The following TTC39C variants were observed in gnomAD, a reference collection of about 807,000 sequenced individuals.
TTC39C encodes the protein tetratricopeptide repeat protein 39C.
A neutral mutation model predicts 76.3 loss-of-function variants in TTC39C; 33 were observed. The ratio of observed to expected loss-of-function variants is 0.43; its 90% CI spans 0.33 to 0.58. TTC39C has a LOEUF of 0.58. Among genes scored for constraint, TTC39C ranks in the 20% least tolerant of loss-of-function variants. The pLI is 0.04. For synonymous variants in TTC39C, 254 were observed against 260.6 expected (o/e 0.97, Z 0.24); for missense variants, 595 against 701.4 (o/e 0.85, Z 1.71).
At chr18:24,054,538 A>AC (rs1164383903) in intron 1 of TTC39C, among the ~76,000 whole-genome samples, 1 of 151,360 alleles carries the variant, frequency 6.6e-6, no homozygotes, top group Non-Finnish European at 1.5e-5. Context: ...ACTGAAGAAG[A>AC]CCCCCTTGAT....
chr18:24,001,293 T>C lies in TTC39C; in HGVS notation c.-17+8255T>C, dbSNP rs187318728. Reference sequence around the variant, plus strand: ...AGGCCCCAGGTCAACCTGGCTTGGGTTCAGATAGAAACTGCTGACCTCAGG... The same window carrying C: ...AGGCCCCAGGTCAACCTGGCTTGGGCTCAGATAGAAACTGCTGACCTCAGG... On this transcript the variant is annotated intron_variant, in intron 1 of 13. Coordinates refer to the TTC39C transcript ENST00000304621. Among the ~76,000 whole-genome samples the C allele has an allele frequency of 2.8e-3, 432 of 152,268 alleles. 3 individuals carry two copies. Among genetic ancestry groups the C allele is most frequent in the African/African-American group, 0.01 (419 of 41,550 alleles).
chr18:23,993,466 C>T (rs1369997890), intron 1 of TTC39C, among the ~76,000 whole-genome samples: 17 of 152,160 alleles, frequency 1.1e-4, no homozygotes, highest in Non-Finnish European at 1.5e-5. Context: ...ATGAAGTACA[C>T]GGACCCCTTT....
intron 1 of TTC39C, among the ~76,000 whole-genome samples, chr18:24,060,094 A>C (rs2084075013): frequency 6.6e-6 from 1 of 152,192 alleles, no homozygotes; most frequent in Non-Finnish European, 1.5e-5. Context: ...GTGGGGACAC[A>C]GCCAAACCAT....
chr18:24,071,322 A>T (rs545140733), intron 4 of TTC39C, among the ~76,000 whole-genome samples: 3 of 152,342 alleles, frequency 2.0e-5, no homozygotes, highest in South Asian at 2.1e-4. Context: ...CTAAGCACTT[A>T]GTTAGATAAG....
At chr18:24,084,680 G>A (rs551327395) in intron 6 of TTC39C, among the ~76,000 whole-genome samples, 11 of 151,474 alleles carry the variant, frequency 7.3e-5, no homozygotes, top group African/African-American at 2.7e-4. Context: ...TTTTTGAGAC[G>A]GGTCTCACCC....
chr18:24,061,993 G>A (rs1324279519), intron 1 of TTC39C, among the ~76,000 whole-genome samples: 1 of 152,192 alleles, frequency 6.6e-6, no homozygotes, highest in East Asian at 1.9e-4. Context: ...ACGATCGCCC[G>A]TCCTGCAGTG....
chr18:24,093,798 C>A (rs534977316), intron 6 of TTC39C, among the ~76,000 whole-genome samples: 1 of 152,172 alleles, frequency 6.6e-6, no homozygotes, highest in African/African-American at 2.4e-5. Flanking sequence ...AACTTTATTG[C>A]TAAAACTATC....
intron 6 of TTC39C, among the ~76,000 whole-genome samples, chr18:24,093,784 A>T (rs145366336): frequency 4.6e-4 from 70 of 152,344 alleles, no homozygotes; most frequent in Non-Finnish European, 4.3e-4. Context: ...TACCTTAATT[A>T]AAAAACTTTA....
In TTC39C at chr18:24,104,024, T is replaced by C. The variant is rs542815761; in HGVS notation, c.985-10530T>C. On this transcript the variant is annotated intron_variant, in intron 6 of 13. Coordinates refer to ENST00000317571, the MANE Select transcript of TTC39C (RefSeq NM_001135993.2). ...TCGGCTCATTGCAACCTCCACCTTC[T>C]GGGTTCAAGCAATTCTCCTACCTCA... is the stretch of plus-strand genomic sequence containing the variant. Among the ~76,000 whole-genome samples the C allele has an allele frequency of 8.2e-4, 125 of 151,930 alleles. 2 individuals carry two copies. Among genetic ancestry groups the C allele is most frequent in the Non-Finnish European group, 1.5e-3 (100 of 67,976 alleles).
At chr18:23,994,754 C>G (rs942638329) in intron 1 of TTC39C, among the ~76,000 whole-genome samples, 28 of 152,202 alleles carry the variant, frequency 1.8e-4, no homozygotes, top group African/African-American at 6.5e-4. Context: ...GCAGCAGCAG[C>G]AGCATCTATG....
chr18:24,016,353 C>T (rs766389602), intron 1 of TTC39C, among the ~76,000 whole-genome samples: 3 of 152,130 alleles, frequency 2.0e-5, no homozygotes, highest in Non-Finnish European at 4.4e-5. Flanking sequence ...CACAATTTCT[C>T]TTTTGTAGTT....
intron 1 of TTC39C, among the ~76,000 whole-genome samples, chr18:24,005,102 G>A (rs976848470): frequency 6.6e-6 from 1 of 152,140 alleles, no homozygotes; most frequent in Admixed American, 6.5e-5. Flanking sequence ...TTTCCAGAAG[G>A]TACTAGATTT....
chr18:24,030,152 A>G lies in TTC39C; in HGVS notation c.167+15114A>G, dbSNP rs375194618. On this transcript the variant is annotated intron_variant, in intron 1 of 13. Coordinates refer to ENST00000317571, the MANE Select transcript of TTC39C (RefSeq NM_001135993.2). ...AGTTCTTGTTGAAGGATGGGTTAGA[A>G]AGTCTTTTTAGTTGAGAAATGTGGT... Among the ~76,000 whole-genome samples the G allele has an allele frequency of 2.6e-5, 4 of 152,154 alleles. No homozygotes were observed. The East Asian group carries it at 5.8e-4, about 22-fold the overall frequency.
At chr18:24,117,190 C>T (rs2084904237) in intron 7 of TTC39C, among the ~76,000 whole-genome samples, 1 of 152,086 alleles carries the variant, frequency 6.6e-6, no homozygotes, top group African/African-American at 2.4e-5. Flanking sequence ...GTGCTTACCA[C>T]AGCATTGGCA....
rs1355125093 is a variant in TTC39C at position 24,134,257 on chromosome 18, G to C, written c.*1683G>C. On this transcript the variant is annotated 3_prime_UTR_variant, in exon 14 of 14. Transcript: ENST00000317571. ...TGGTGCCCAAAAATATTGGACATCT[G>C]TTTTTTGTTTTTTTTTTTTTTTTTT... 1 of 48,686 alleles carries C rather than the reference G, an allele frequency of 2.1e-5. No individual in the cohort carries two copies. The allele number at this position is 48,686 out of a possible 1,614,324, so 3.0% of individuals were successfully genotyped here.
intron 4 of TTC39C, among the ~76,000 whole-genome samples, chr18:24,070,532 G>A (rs2084225202): frequency 6.6e-6 from 1 of 152,150 alleles, no homozygotes; most frequent in African/African-American, 2.4e-5. Flanking sequence ...ACTCTCATAA[G>A]GAGCTAATTT....
intron 4 of TTC39C, among the ~76,000 whole-genome samples, chr18:24,078,982 C>G (rs2084341865): frequency 6.6e-6 from 1 of 152,180 alleles, no homozygotes; most frequent in Middle Eastern, 3.2e-3. Context: ...TTAGATCACT[C>G]TCAATTCCGG....
rs115004940 is a variant in TTC39C, at chr18:24,026,075, G to T, written c.167+11037G>T. Reference sequence around the variant, plus strand: ...CAAACAGCTCCAGAAAAGTATGGCAGTTCAGGTTTCTCTGTCCCTTGCCAT... The same window carrying T: ...CAAACAGCTCCAGAAAAGTATGGCATTTCAGGTTTCTCTGTCCCTTGCCAT... On this transcript the variant is annotated intron_variant, in intron 1 of 13. Transcript: ENST00000317571. 4.6e-5 allele frequency among the ~76,000 whole-genome samples: 7 copies of T among 152,182 alleles called. No individual in the cohort carries two copies. The South Asian group carries it at 1.0e-3, about 23-fold the overall frequency.
intron 1 of TTC39C, among the ~76,000 whole-genome samples, chr18:24,045,904 T>TATATATATATATGTATATGTAC (rs2083865106): frequency 7.6e-5 from 3 of 39,222 alleles, no homozygotes; most frequent in Admixed American, 3.8e-4. Context: ...TATATATATA[T>TATATATATATATGTATATGTAC]ATATATATAT....
Sources: gnomAD v4.1 joint callset for allele counts (sites outside exome capture counted in the v4.1 genomes callset) on GRCh38, gnomAD v4.1.1 for gene constraint, MANE v1.5 for transcripts, NCBI Gene and HGNC (gene_info 2026-07-23, HGNC 2026-07-21) for gene names.